Variants in LMO7 observed in about 807,000 individuals in gnomAD.
LMO7 encodes the protein LIM domain 7.
LMO7 carries 120 observed loss-of-function variants against 206.5 expected under a neutral mutation model. The ratio of observed to expected loss-of-function variants is 0.58; its 90% CI spans 0.50 to 0.68. The LOEUF is 0.68. Ranked by LOEUF, LMO7 falls within the 30% of genes least tolerant of loss-of-function variation. The pLI, the probability that LMO7 is intolerant of heterozygous loss-of-function variation, is 0.00. For missense variants in LMO7, 1,959 were observed against 1,957.9 expected (o/e 1.00, Z -0.01); for synonymous variants, 706 against 681.5 (o/e 1.04, Z -0.56).
At chr13:75,693,753 C>T (rs972480798) in intron 1 of LMO7, among the ~76,000 whole-genome samples, 1 of 152,168 alleles carries the variant, frequency 6.6e-6, no homozygotes, top group Non-Finnish European at 1.5e-5. Context: ...CTTGTTTCTG[C>T]ATGTGGCCGA....
At chr13:75,786,769 C>A (rs777034799) in intron 4 of LMO7, among the ~76,000 whole-genome samples, 1 of 152,170 alleles carries the variant, frequency 6.6e-6, no homozygotes, top group African/African-American at 2.4e-5. Context: ...CTAATTACAT[C>A]TCTAGTCTAA....
intron 1 of LMO7, among the ~76,000 whole-genome samples, chr13:75,622,794 A>G (rs1336697554): frequency 6.6e-6 from 1 of 152,248 alleles, no homozygotes; most frequent in African/African-American, 2.4e-5. Context: ...TCAGGATACC[A>G]ACTGAAAGCA....
chr13:75,809,267 A>T (rs1463393822), intron 11 of LMO7, 84 bp downstream of exon 11: 1 of 1,178,394 alleles, frequency 8.5e-7, no homozygotes, highest in Non-Finnish European at 1.3e-6. Flanking sequence ...ATGGCATGTC[A>T]CTAAATGGGG....
chr13:75,780,082 A>G (rs2051090862), intron 4 of LMO7, among the ~76,000 whole-genome samples: 1 of 152,162 alleles, frequency 6.6e-6, no homozygotes, highest in African/African-American at 2.4e-5. Context: ...AAAATATCAC[A>G]AGGCAAATGG....
At chr13:75,686,526 C>CTTTT (rs3036372) in intron 1 of LMO7, among the ~76,000 whole-genome samples, 1,772 of 135,792 alleles carry the variant, frequency 0.013, 40 homozygotes, top group African/African-American at 0.041. Flanking sequence ...CCTATCTTAC[C>CTTTT]TTTTTTTTTT....
chr13:75,816,213 A>G (rs969643259), intron 11 of LMO7, among the ~76,000 whole-genome samples: 13 of 152,238 alleles, frequency 8.5e-5, no homozygotes, highest in Admixed American at 6.5e-5. Context: ...AATGATGGCA[A>G]CATCTTGGAA....
chr13:75,704,967 C>T (rs537968070), intron 1 of LMO7, among the ~76,000 whole-genome samples: 16 of 152,308 alleles, frequency 1.1e-4, no homozygotes, highest in African/African-American at 3.8e-4. Context: ...TAATATTTAT[C>T]TGATAGATAT....
chr13:75,637,284 G>T (rs746666366), intron 1 of LMO7, among the ~76,000 whole-genome samples: 13 of 152,158 alleles, frequency 8.5e-5, no homozygotes, highest in Non-Finnish European at 1.5e-4. Flanking sequence ...AAGCCCAGGG[G>T]GTAGGGGCCG....
rs371871000 is a variant in LMO7, at chr13:75,722,852, G to A, written c.141-4177G>A. 4.5e-4 allele frequency among the ~76,000 whole-genome samples: 69 copies of A among 152,274 alleles called. No homozygotes were observed. In the South Asian group the frequency reaches 0.014, roughly 30 times the overall value. Reference sequence around the variant, plus strand: ...ATACTACTCAGCCATAAAAAGGAACGAAATGGCATTTGCAGCAACCTGGAC... The same window carrying A: ...ATACTACTCAGCCATAAAAAGGAACAAAATGGCATTTGCAGCAACCTGGAC... On this transcript the variant is annotated intron_variant, in intron 2 of 30. Transcript: ENST00000377534.
chr13:75,710,231 G>C (rs969108238), intron 1 of LMO7, among the ~76,000 whole-genome samples: 3 of 152,162 alleles, frequency 2.0e-5, no homozygotes, highest in Admixed American at 2.0e-4. Flanking sequence ...GTCAGGTAGC[G>C]TGATACCTCC....
chr13:75,854,566 G>A (rs1467095429), intron 28 of LMO7, among the ~76,000 whole-genome samples: 8 of 152,104 alleles, frequency 5.3e-5, no homozygotes, highest in Non-Finnish European at 2.9e-5. Context: ...CATGCTGTGG[G>A]GGTGCAGAGA....
intron 1 of LMO7, among the ~76,000 whole-genome samples, chr13:75,669,667 T>C (rs1394863691): frequency 6.6e-6 from 1 of 152,148 alleles, no homozygotes; most frequent in African/African-American, 2.4e-5. Flanking sequence ...ACTGAGTTGT[T>C]TTAGTTGGTG....
chr13:75,814,575 A>G (rs1400463792), intron 11 of LMO7, among the ~76,000 whole-genome samples: 30 of 152,296 alleles, frequency 2.0e-4, no homozygotes, highest in Admixed American at 2.0e-3. Flanking sequence ...TTTATCGGGC[A>G]CCTACTGCAG....
chr13:75,675,608 C>G (rs1011085813), intron 1 of LMO7, among the ~76,000 whole-genome samples: 1 of 152,110 alleles, frequency 6.6e-6, no homozygotes, highest in African/African-American at 2.4e-5. Context: ...TGCTCTCTCT[C>G]CTGTGGTATT....
chr13:75,830,277 A>G (rs543559158), intron 15 of LMO7, among the ~76,000 whole-genome samples: 161 of 152,294 alleles, frequency 1.1e-3, no homozygotes, highest in African/African-American at 3.8e-3. Flanking sequence ...ATGCCTCAAG[A>G]CTGCCATAAG....
At chr13:75,664,405 AT>A (rs1464821091) in intron 1 of LMO7, among the ~76,000 whole-genome samples, 1 of 151,856 alleles carries the variant, frequency 6.6e-6, no homozygotes, top group African/African-American at 2.4e-5. Context: ...GTAAGTACCA[AT>A]TTTTTTTATC....
At chr13:75,677,515 G>A (rs1340573894) in intron 1 of LMO7, among the ~76,000 whole-genome samples, 1 of 152,120 alleles carries the variant, frequency 6.6e-6, no homozygotes, top group Non-Finnish European at 1.5e-5. Context: ...ACTAATACAT[G>A]TGAAGTTACA....
intron 1 of LMO7, among the ~76,000 whole-genome samples, chr13:75,674,124 T>C (rs1351781679): frequency 1.3e-5 from 2 of 152,250 alleles, no homozygotes; most frequent in Admixed American, 6.5e-5. Context: ...TGACTTAATG[T>C]CCATTTATTC....
intron 25 of LMO7, 32 bp downstream of exon 25, chr13:75,842,948 A>T: frequency 7.7e-7 from 1 of 1,300,204 alleles, no homozygotes; most frequent in Non-Finnish European, 1.1e-6. Context: ...AATTTAATTG[A>T]TGATAATGGC....
Sources: gnomAD v4.1 joint callset for allele counts (sites outside exome capture counted in the v4.1 genomes callset) on GRCh38, gnomAD v4.1.1 for gene constraint, MANE v1.5 for transcripts, NCBI Gene and HGNC (gene_info 2026-07-23, HGNC 2026-07-21) for gene names.